Variants in DLGAP2 observed in about 807,000 individuals in gnomAD.
DLGAP2 encodes the protein DLG associated protein 2.
Under a neutral mutation model 100.3 loss-of-function variants are expected in DLGAP2, and 26 were observed. The observed-to-expected ratio is 0.26, with a 90% confidence interval of 0.19 to 0.36. The LOEUF is 0.36. Among genes scored for constraint, DLGAP2 ranks in the 10% least tolerant of loss-of-function variants. The pLI is 1.00. For missense variants in DLGAP2, 1,858 were observed against 1,453.2 expected, an observed-to-expected ratio of 1.28 and a Z score of -4.53; for synonymous variants, 886 against 630.1, an observed-to-expected ratio of 1.41 and a Z score of -6.08.
chr8:948,649 G>C (rs1799394748), intron 2 of DLGAP2, among the ~76,000 whole-genome samples: 1 of 152,254 alleles, frequency 6.6e-6, no homozygotes, highest in South Asian at 2.1e-4. Context: ...AGCCAGGCCG[G>C]GGTTGCAGTG....
intron 1 of DLGAP2, among the ~76,000 whole-genome samples, chr8:771,566 G>C (rs538710901): frequency 1.3e-5 from 2 of 152,302 alleles, no homozygotes; most frequent in Admixed American, 1.3e-4. Flanking sequence ...GCAACTTTCA[G>C]TTCCAAATTA....
chr8:1,677,817 A>G (rs145144477), intron 11 of DLGAP2, among the ~76,000 whole-genome samples: 10 of 152,364 alleles, frequency 6.6e-5, no homozygotes, highest in Non-Finnish European at 8.8e-5. Flanking sequence ...GGAAGCCACT[A>G]CAACTCAGTA....
intron 2 of DLGAP2, among the ~76,000 whole-genome samples, chr8:1,219,993 T>A (rs569911619): frequency 6.6e-6 from 1 of 152,246 alleles, no homozygotes; most frequent in Non-Finnish European, 1.5e-5. Flanking sequence ...TTTATTTGGA[T>A]CTTCTCTCTG....
At chr8:1,026,266 C>G (rs2129026412) in intron 2 of DLGAP2, among the ~76,000 whole-genome samples, 1 of 152,348 alleles carries the variant, frequency 6.6e-6, no homozygotes, top group South Asian at 2.1e-4. Context: ...ACCAGACCCT[C>G]TGAGATGGCG....
chr8:782,541 A>T (rs1342420239), intron 1 of DLGAP2, among the ~76,000 whole-genome samples: 2 of 152,204 alleles, frequency 1.3e-5, no homozygotes, highest in Admixed American at 6.5e-5. Flanking sequence ...TTGATGAAAT[A>T]TGTTAATTAT....
intron 3 of DLGAP2, among the ~76,000 whole-genome samples, chr8:1,287,427 G>A (rs1266309279): frequency 1.4e-5 from 2 of 139,906 alleles, no homozygotes; most frequent in Non-Finnish European, 3.0e-5. Context: ...TTCAGCGTGT[G>A]TGTGTGTGTG....
At chr8:1,690,538 A>G (rs1050809271) in intron 12 of DLGAP2, among the ~76,000 whole-genome samples, 59 of 140,688 alleles carry the variant, frequency 4.2e-4, no homozygotes, top group African/African-American at 1.5e-3. Flanking sequence ...AACCCCATCT[A>G]TACTAAAAAT....
intron 3 of DLGAP2, among the ~76,000 whole-genome samples, chr8:1,344,076 C>A (rs566746610): frequency 3.1e-5 from 1 of 32,430 alleles, no homozygotes; most frequent in Admixed American, 3.8e-4. Context: ...GTAATGCCTG[C>A]AAATGTCGTA....
chr8:757,971 G>C (rs967280980), intron 1 of DLGAP2, among the ~76,000 whole-genome samples: 3 of 152,188 alleles, frequency 2.0e-5, no homozygotes, highest in Admixed American at 6.5e-5. Flanking sequence ...TTGAGTCCTG[G>C]TGCTGCTTGC....
chr8:821,367 C>G (rs1796579754), intron 1 of DLGAP2, among the ~76,000 whole-genome samples: 1 of 152,158 alleles, frequency 6.6e-6, no homozygotes. Context: ...GAAGAAAAGA[C>G]TGGCATATCT....
chr8:987,206 A>T (rs11781146), intron 2 of DLGAP2, among the ~76,000 whole-genome samples: 61,990 of 151,956 alleles, frequency 0.41, 13,306 homozygotes, highest in Admixed American at 0.54. Flanking sequence ...CAGGAGTGCC[A>T]GGTGCCCTGG....
intron 3 of DLGAP2, among the ~76,000 whole-genome samples, chr8:1,304,431 A>T (rs551969030): frequency 2.6e-5 from 4 of 152,342 alleles, no homozygotes; most frequent in East Asian, 1.9e-4. Context: ...GAGATTTTTT[A>T]AAAAATGACA....
intron 3 of DLGAP2, among the ~76,000 whole-genome samples, chr8:1,312,376 CAGTT>C (rs1351207928): frequency 6.6e-6 from 1 of 152,178 alleles, no homozygotes; most frequent in African/African-American, 2.4e-5. Flanking sequence ...TTCTGAAAGA[CAGTT>C]AAGAGAATGA....
chr8:802,320 G>T (rs2132658044), intron 1 of DLGAP2, among the ~76,000 whole-genome samples: 1 of 152,234 alleles, frequency 6.6e-6, no homozygotes, highest in South Asian at 2.1e-4. Context: ...TCACGGCCTG[G>T]GGAATAGTCC....
At chr8:1,368,089 T>G (rs1802149189) in intron 3 of DLGAP2, among the ~76,000 whole-genome samples, 1 of 152,184 alleles carries the variant, frequency 6.6e-6, no homozygotes, top group African/African-American at 2.4e-5. Flanking sequence ...CCTGTGTTGC[T>G]GTTGTGTTGA....
rs148041914 is a variant in DLGAP2 at position 1,434,955 on chromosome 8, C to G, written c.107-66411C>G. On this transcript the variant is annotated intron_variant, in intron 3 of 14. Coordinates refer to ENST00000637795, the MANE Select transcript of DLGAP2 (RefSeq NM_001346810.2). ...GTCTGCATGTCACATGCCTCTGGCC[C>G]TGGACTCTTGATCTTGTGGATCCAG... Among the ~76,000 whole-genome samples, 182 of 152,290 alleles carry G rather than the reference C, an allele frequency of 1.2e-3. 1 individual carries two copies. The highest frequency in any genetic ancestry group is 4.1e-3 in the African/African-American group (172 of 41,560).
chr8:1,386,535 G>A (rs1163141766), intron 3 of DLGAP2, among the ~76,000 whole-genome samples: 3 of 152,190 alleles, frequency 2.0e-5, no homozygotes, highest in Non-Finnish European at 4.4e-5. Context: ...TCCAGGCACA[G>A]GCACACCACC....
chr8:835,712 G>T (rs905670100), intron 1 of DLGAP2, among the ~76,000 whole-genome samples: 1 of 152,152 alleles, frequency 6.6e-6, no homozygotes, highest in Non-Finnish European at 1.5e-5. Flanking sequence ...GTGCTAGGCT[G>T]CGTCACCAAA....
intron 3 of DLGAP2, among the ~76,000 whole-genome samples, chr8:1,460,956 G>C (rs1408671546): frequency 6.6e-6 from 1 of 152,218 alleles, no homozygotes; most frequent in Admixed American, 6.5e-5. Context: ...CATTTGGACA[G>C]AACTGAGTTT....
Sources: allele counts gnomAD v4.1 joint callset (sites outside exome capture counted in the v4.1 genomes callset), GRCh38; gene constraint gnomAD v4.1.1; transcripts MANE v1.5; gene names NCBI Gene and HGNC (gene_info 2026-07-23, HGNC 2026-07-21).